FEZ1: variants seen among roughly 807,000 people sequenced by gnomAD.
The protein encoded by FEZ1 is fasciculation and elongation protein zeta-1.
FEZ1 carries 20 observed loss-of-function variants against 49.3 expected under a neutral mutation model. The observed-to-expected ratio is 0.41, with a 90% confidence interval of 0.29 to 0.59. FEZ1 has a LOEUF of 0.59. Ranked by LOEUF, FEZ1 falls within the 20% of genes least tolerant of loss-of-function variation. FEZ1 has a pLI of 0.36. For missense variants in FEZ1, 413 were observed against 476.0 expected (o/e 0.87, Z 1.23); for synonymous variants, 170 against 180.9 (o/e 0.94, Z 0.48).
At chr11:125,449,854 G>A (rs1459723449) in intron 8 of FEZ1, among the ~76,000 whole-genome samples, 2 of 152,168 alleles carry the variant, frequency 1.3e-5, no homozygotes, top group Non-Finnish European at 2.9e-5. Context: ...CAAGAATTAG[G>A]AGTGAGTGAG....
At chr11:125,457,457 T>C (rs1269313421) in intron 5 of FEZ1, among the ~76,000 whole-genome samples, 1 of 82,340 alleles carries the variant, frequency 1.2e-5, no homozygotes, top group African/African-American at 4.4e-5. Flanking sequence ...TATATGTATA[T>C]ATACACATAT....
At chr11:125,463,869 A>C (rs1957098438) in intron 3 of FEZ1, among the ~76,000 whole-genome samples, 1 of 152,208 alleles carries the variant, frequency 6.6e-6, no homozygotes, top group South Asian at 2.1e-4. Flanking sequence ...TTTTTAACCC[A>C]CAGACAGGTC....
chr11:125,454,386 A>C, intron 6 of FEZ1, 176 bp from the exon 7 acceptor site: 1 of 468,262 alleles, frequency 2.1e-6, no homozygotes, highest in South Asian at 4.4e-5. Context: ...GAGCTTTGCA[A>C]GAATAAACAG....
chr11:125,449,417 T>TAAAAAAAAAA (rs35920814), intron 8 of FEZ1, among the ~76,000 whole-genome samples: 7 of 26,994 alleles, frequency 2.6e-4, no homozygotes, highest in East Asian at 2.6e-3. Context: ...TTTGTCTCTA[T>TAAAAAAAAAA]AAAAAAAAAA....
intron 4 of FEZ1, among the ~76,000 whole-genome samples, chr11:125,462,373 C>T (rs530420674): frequency 1.0e-3 from 154 of 152,292 alleles, no homozygotes; most frequent in South Asian, 2.9e-3. Context: ...TCTTTTTTCA[C>T]AAAGTCGAAG....
At chr11:125,488,877 C>T (rs1445974210) in intron 2 of FEZ1, 12 of 985,226 alleles carry the variant, frequency 1.2e-5, no homozygotes, top group East Asian at 1.1e-4. Context: ...TAGAAAGTAG[C>T]GAGCAAGTGA....
intron 5 of FEZ1, among the ~76,000 whole-genome samples, chr11:125,457,463 CAT>C (rs1348162217): frequency 5.9e-5 from 3 of 51,240 alleles, no homozygotes; most frequent in East Asian, 1.1e-3. Flanking sequence ...TATATATACA[CAT>C]ATATATGTAT....
chr11:125,486,839 C>T (rs1399682591), intron 2 of FEZ1, among the ~76,000 whole-genome samples: 1 of 152,188 alleles, frequency 6.6e-6, no homozygotes, highest in Non-Finnish European at 1.5e-5. Flanking sequence ...CATAATTTCA[C>T]AGTTGAAATA....
chr11:125,466,103 C>A (rs556953859), intron 3 of FEZ1, among the ~76,000 whole-genome samples: 1 of 152,160 alleles, frequency 6.6e-6, no homozygotes, highest in South Asian at 2.1e-4. Flanking sequence ...GTTCCTTTAG[C>A]CCCTTGTGCA....
Position 125,460,779 on chromosome 11 carries a change from G to T in FEZ1, c.499-113C>A, listed in dbSNP as rs899496055. The T allele has an allele frequency of 6.9e-6, 6 of 867,364 alleles. No homozygotes were observed. In the African/African-American group the frequency reaches 1.0e-4, roughly 15 times the overall value. The allele number at this position is 867,364 out of a possible 1,614,324, so 53.7% of individuals were successfully genotyped here. On this transcript the variant is annotated intron_variant, in intron 4 of 9. Coordinates refer to ENST00000278919, the MANE Select transcript of FEZ1 (RefSeq NM_005103.5). ...AATTAGCTATCTGAAAATTTCTAAA[G>T]CAATATTGTTTTTACATAAATACTG... is the stretch of plus-strand genomic sequence containing the variant.
chr11:125,479,619 T>G (rs1233132076), intron 3 of FEZ1, among the ~76,000 whole-genome samples: 4 of 152,078 alleles, frequency 2.6e-5, no homozygotes, highest in Non-Finnish European at 5.9e-5. Flanking sequence ...CTTGTGGAGG[T>G]GATGATATCA....
chr11:125,456,231 A>G (rs1957010111), intron 5 of FEZ1, 125 bp from the exon 6 acceptor site: 2 of 937,652 alleles, frequency 2.1e-6, no homozygotes, highest in Non-Finnish European at 3.1e-6. Context: ...CCAACTCCTT[A>G]AAGATCCAAG....
chr11:125,493,501 A>AGAAG (rs1957421769), intron 1 of FEZ1, among the ~76,000 whole-genome samples: 2 of 97,896 alleles, frequency 2.0e-5, no homozygotes, highest in Non-Finnish European at 2.1e-5. Context: ...AAAGAAAGAA[A>AGAAG]GAAAGAGAGA....
intron 9 of FEZ1, among the ~76,000 whole-genome samples, chr11:125,447,778 C>T (rs527949474): frequency 1.5e-4 from 23 of 150,120 alleles, no homozygotes; most frequent in East Asian, 5.9e-4. Flanking sequence ...GCTGAGATCA[C>T]GCCATTGCAC....
Position 125,495,128 on chromosome 11 carries a change from C to G in FEZ1, c.-46+993G>C, listed in dbSNP as rs1165101927. On this transcript the variant is annotated intron_variant, in intron 1 of 9. Transcript: ENST00000278919. The surrounding 1 kb of genome is among the most constrained non-coding windows in gnomAD (Gnocchi z 4.2). ...CTTCGCGGTTCTGCTTGCTCCCCTCCCCCTCCTCCCGCTGCTCCATTCACC... is the reference window on the plus strand; with the variant it reads ...CTTCGCGGTTCTGCTTGCTCCCCTCGCCCTCCTCCCGCTGCTCCATTCACC... 2.9e-6 allele frequency: 1 copy of G among 348,264 alleles called. No individual in the cohort carries two copies. Among genetic ancestry groups the G allele is most frequent in the Admixed American group, 4.0e-5 (1 of 24,784 alleles). The allele number at this position is 348,264 out of a possible 1,614,324, so 21.6% of individuals were successfully genotyped here.
intron 3 of FEZ1, among the ~76,000 whole-genome samples, chr11:125,477,681 C>T (rs57791509): frequency 0.014 from 2,205 of 152,238 alleles, 52 homozygotes; most frequent in African/African-American, 0.049. Context: ...AGGACCATCC[C>T]TAGTGTTTAC....
At chr11:125,473,829 A>G (rs1455678925) in intron 3 of FEZ1, among the ~76,000 whole-genome samples, 2 of 151,848 alleles carry the variant, frequency 1.3e-5, no homozygotes, top group African/African-American at 4.8e-5. Context: ...AAAAAAAAAA[A>G]AAAAAACAGA....
rs115999337 is a variant in FEZ1 at position 125,485,997 on chromosome 11, C to T, written c.311+3470G>A. Among the ~76,000 whole-genome samples, 1,065 of 152,260 alleles carry T rather than the reference C, an allele frequency of 7.0e-3. 15 individuals are homozygous for T. The highest frequency in any genetic ancestry group is 0.024 in the African/African-American group (984 of 41,556). ...GCAGCACATTAATGCGTTTGCTCAA[C>T]TTTCTAGATGTCCTCAAATGTTTAA... On this transcript the variant is annotated intron_variant, in intron 2 of 9. Coordinates refer to ENST00000278919, the MANE Select transcript of FEZ1 (RefSeq NM_005103.5).
At position 125,460,586 on chromosome 11, in the gene FEZ1, T is replaced by G; in HGVS notation, c.579A>C (p.Gly193=). ...AGTCTGCCTGGGAGGAAGTTTCTCC[T>G]CCATCCTCTTCTTCCAGAACCTCCT... ...EEEEVLEEED[G]GETSSQADSV... Residue 193 remains glycine, a synonymous_variant, in exon 5 of 10, where the codon GGA becomes GGC. Transcript: ENST00000278919. 1 of 1,614,138 alleles carries G rather than the reference T, an allele frequency of 6.2e-7. No homozygotes were observed. Among genetic ancestry groups the G allele is most frequent in the Non-Finnish European group, 8.5e-7 (1 of 1,180,000 alleles).
Sources: gnomAD v4.1 joint callset for allele counts (sites outside exome capture counted in the v4.1 genomes callset) on GRCh38, gnomAD v4.1.1 for gene constraint, Gnocchi (gnomAD v3.1) non-coding constraint, MANE v1.5 for transcripts, NCBI Gene and HGNC (gene_info 2026-07-23, HGNC 2026-07-21) for gene names.